Variants in ELF2 observed in about 807,000 individuals in gnomAD.
ELF2 encodes the protein ETS-related transcription factor Elf-2.
Under a neutral mutation model 54.8 loss-of-function variants are expected in ELF2, and 11 were observed. That is an observed-to-expected ratio of 0.20 (90% CI 0.13 to 0.33). ELF2 has a LOEUF of 0.33. Ranked by LOEUF, ELF2 falls within the 10% of genes least tolerant of loss-of-function variation. ELF2 has a pLI of 1.00. For missense variants in ELF2, 513 were observed against 703.0 expected, an observed-to-expected ratio of 0.73 and a Z score of 3.06; for synonymous variants, 203 against 245.1, an observed-to-expected ratio of 0.83 and a Z score of 1.61.
intron 7 of ELF2, 84 bp from the exon 8 acceptor site, chr4:139,062,141 G>A (rs1727954486): frequency 1.5e-6 from 2 of 1,304,726 alleles, no homozygotes; most frequent in Non-Finnish European, 1.0e-6. Flanking sequence ...GTCCTTCATT[G>A]TATCATAAAA....
intron 4 of ELF2, chr4:139,084,438 GGGCGGCGGCGGCGGC>G: frequency 8.9e-7 from 1 of 1,118,124 alleles, no homozygotes; most frequent in African/African-American, 1.6e-5. Flanking sequence ...GCAGGGGCAG[GGGCGGCGGCGGCGGC>G]GGCGGCGGCT....
intron 4 of ELF2, among the ~76,000 whole-genome samples, chr4:139,083,134 C>T (rs1349453582): frequency 6.6e-6 from 1 of 151,988 alleles, no homozygotes; most frequent in African/African-American, 2.4e-5. Flanking sequence ...CCTGTCAATC[C>T]CGTCCGTTCT....
chr4:139,092,414 T>TAACATAACATAACAAACATAACATA lies in ELF2; in HGVS notation c.239-18848_239-18847insTATGTTATGTTTGTTATGTTATGTT, dbSNP rs70940488. Among the ~76,000 whole-genome samples, 103 of 87,820 alleles carry TAACATAACATAACAAACATAACATA rather than the reference T, an allele frequency of 1.2e-3. 1 individual carries two copies. Among genetic ancestry groups the TAACATAACATAACAAACATAACATA allele is most frequent in the South Asian group, 4.4e-3 (11 of 2,508 alleles). The allele number at this position is 87,820 out of a possible 152,430, so 57.6% of individuals were successfully genotyped here. A position where few individuals can be genotyped will look rare whatever the true frequency, so the allele number is the denominator to read the frequency against. On this transcript the variant is annotated intron_variant, in intron 4 of 9. Transcript: ENST00000686138. ...TAACATAACATAACATAACATAACA[T>TAACATAACATAACAAACATAACATA]ACATAACATAACATAACATAACATA...
chr4:139,168,458 C>T (rs548393168), intron 1 of ELF2, among the ~76,000 whole-genome samples: 1 of 152,222 alleles, frequency 6.6e-6, no homozygotes, highest in African/African-American at 2.4e-5. Flanking sequence ...GGCCCTAAAC[C>T]CTGAGATGAT....
At chr4:139,132,517 A>G (rs1379685586) in intron 3 of ELF2, among the ~76,000 whole-genome samples, 2 of 152,098 alleles carry the variant, frequency 1.3e-5, no homozygotes, top group African/African-American at 4.8e-5. Context: ...ATCCCTATAG[A>G]TCTGCCTTTT....
chr4:139,062,265 G>C (rs1727978447), intron 7 of ELF2, among the ~76,000 whole-genome samples: 1 of 151,892 alleles, frequency 6.6e-6, no homozygotes, highest in African/African-American at 2.4e-5. Flanking sequence ...CCACCTCCCA[G>C]GTTCAAGCAA....
intron 4 of ELF2, among the ~76,000 whole-genome samples, chr4:139,098,034 G>A (rs867433888): frequency 6.6e-6 from 1 of 152,158 alleles, no homozygotes; most frequent in African/African-American, 2.4e-5. Context: ...TGATTTTCTA[G>A]ACATTGTTAA....
intron 3 of ELF2, among the ~76,000 whole-genome samples, chr4:139,136,225 G>C (rs1430521689): frequency 6.6e-6 from 1 of 152,176 alleles, no homozygotes; most frequent in Non-Finnish European, 1.5e-5. Flanking sequence ...TTGACGATGG[G>C]AAGAAAGTAT....
At chr4:139,148,029 G>A (rs965807303) in intron 1 of ELF2, among the ~76,000 whole-genome samples, 4 of 147,782 alleles carry the variant, frequency 2.7e-5, no homozygotes, top group Admixed American at 6.7e-5. Context: ...CAGGTGATCC[G>A]CCTGCCTCAG....
chr4:139,099,109 A>C (rs1451999774), intron 4 of ELF2, among the ~76,000 whole-genome samples: 1 of 152,216 alleles, frequency 6.6e-6, no homozygotes, highest in Non-Finnish European at 1.5e-5. Flanking sequence ...TTTTCCAAAT[A>C]ATGTTTCATA....
intron 4 of ELF2, among the ~76,000 whole-genome samples, chr4:139,087,674 C>A (rs1732129361): frequency 6.6e-6 from 1 of 152,088 alleles, no homozygotes; most frequent in Non-Finnish European, 1.5e-5. Context: ...ACCGTGTTAG[C>A]CAGGATGGTC....
At chr4:139,148,775 T>C (rs972788397) in intron 1 of ELF2, among the ~76,000 whole-genome samples, 1 of 152,308 alleles carries the variant, frequency 6.6e-6, no homozygotes, top group East Asian at 1.9e-4. Context: ...TAGAACACAG[T>C]AACTGTATGT....
In ELF2 at chr4:139,146,815, C is replaced by T. The variant is rs1454721570; in HGVS notation, c.-251-7318G>A. 3.3e-5 allele frequency among the ~76,000 whole-genome samples: 5 copies of T among 152,094 alleles called. No individual in the cohort carries two copies. The East Asian group carries it at 7.7e-4, about 23-fold the overall frequency. On this transcript the variant is annotated intron_variant, in intron 1 of 9. Coordinates refer to ENST00000686138, the MANE Select transcript of ELF2 (RefSeq NM_001331036.3). The stretch of plus-strand genomic sequence containing the variant: ...TAATAAATGGTGCTGAGAAAACTGG[C>T]TAGCCACAAGTAGAAAAATGAAACT...
intron 4 of ELF2, among the ~76,000 whole-genome samples, chr4:139,102,531 C>G (rs1733999018): frequency 6.8e-6 from 1 of 146,662 alleles, no homozygotes; most frequent in Admixed American, 6.8e-5. Context: ...CAGAGGGAGA[C>G]TCCGTCTCAA....
chr4:139,176,747 C>A (rs972490092), intron 1 of ELF2, among the ~76,000 whole-genome samples: 3 of 151,888 alleles, frequency 2.0e-5, no homozygotes, highest in African/African-American at 7.2e-5. Context: ...CTCCAAGTCC[C>A]GCTCCGCGAC....
At chr4:139,084,555 C>T (rs1731754562) in intron 4 of ELF2, 1 of 433,906 alleles carries the variant, frequency 2.3e-6, no homozygotes, top group Non-Finnish European at 3.1e-6. Context: ...AGAGCGGCCG[C>T]AGCCTGCGGC....
intron 3 of ELF2, among the ~76,000 whole-genome samples, chr4:139,134,804 C>T (rs1273043019): frequency 1.3e-5 from 2 of 151,234 alleles, no homozygotes; most frequent in Non-Finnish European, 2.9e-5. Flanking sequence ...CCTTGGCCTC[C>T]CAAAGTGTAG....
At chr4:139,148,778 C>G (rs1244028489) in intron 1 of ELF2, among the ~76,000 whole-genome samples, 1 of 151,994 alleles carries the variant, frequency 6.6e-6, no homozygotes, top group Non-Finnish European at 1.5e-5. Context: ...AACACAGTAA[C>G]TGTATGTTTA....
At chr4:139,170,050 C>T (rs1742121498) in intron 1 of ELF2, among the ~76,000 whole-genome samples, 1 of 151,982 alleles carries the variant, frequency 6.6e-6, no homozygotes. Flanking sequence ...TATTTCTCAC[C>T]ATACACAGAA....
Sources: gnomAD v4.1 joint callset for allele counts (sites outside exome capture counted in the v4.1 genomes callset) on GRCh38, gnomAD v4.1.1 for gene constraint, MANE v1.5 for transcripts, NCBI Gene and HGNC (gene_info 2026-07-23, HGNC 2026-07-21) for gene names.